FBXW7: variants seen among roughly 807,000 people sequenced by gnomAD.
FBXW7 encodes the protein F-box and WD repeat domain containing 7.
In FBXW7, 11 loss-of-function variants were observed where a neutral mutation model predicts 86.3. That is an observed-to-expected ratio of 0.13 (90% CI 0.08 to 0.21). The LOEUF (loss-of-function observed/expected upper bound fraction) is 0.21. FBXW7 is among the 10% of genes least tolerant of loss of function. The probability of loss-of-function intolerance (pLI) is 1.00; values close to 1 mark genes in which losing one functional copy is unlikely to be tolerated. For synonymous variants in FBXW7, 313 were observed against 297.9 expected (o/e 1.05, Z -0.52); for missense variants, 488 against 847.4 (o/e 0.58, Z 5.27).
Position 152,324,089 on chromosome 4 carries a change from T to C in FBXW7, c.1855+95A>G, listed in dbSNP as rs1728792422. 3 of 919,154 alleles carry C rather than the reference T, an allele frequency of 3.3e-6. No individual in the cohort carries two copies. The African/African-American group carries it at 4.9e-5, about 15-fold the overall frequency. The allele number at this position is 919,154 out of a possible 1,614,324, so 56.9% of individuals were successfully genotyped here. On this transcript the variant is annotated intron_variant, in intron 13 of 13. Coordinates refer to ENST00000281708, the MANE Select transcript of FBXW7 (RefSeq NM_001349798.2). The stretch of plus-strand genomic sequence containing the variant: ...ACTTTTCTGAAGTAACCATTCTGTA[T>C]GAGGTTGACTCTTTTTGTGATGCTA...
intron 2 of FBXW7, among the ~76,000 whole-genome samples, chr4:152,471,475 A>C: frequency 9.5e-6 from 1 of 105,262 alleles, no homozygotes; most frequent in Admixed American, 1.2e-4. Flanking sequence ...GAAGGAGGGA[A>C]GCAGGGAGGG....
intron 2 of FBXW7, among the ~76,000 whole-genome samples, chr4:152,462,918 T>C (rs1474356105): frequency 8.2e-6 from 1 of 122,536 alleles, no homozygotes; most frequent in Non-Finnish European, 1.7e-5. Flanking sequence ...ACTTCCAGTC[T>C]TTTTTTTTTT....
At chr4:152,503,927 A>G (rs950710525) in intron 2 of FBXW7, among the ~76,000 whole-genome samples, 3 of 152,196 alleles carry the variant, frequency 2.0e-5, no homozygotes, top group African/African-American at 4.8e-5. Flanking sequence ...TATGAATCCT[A>G]GCCAGTTCAT....
chr4:152,448,561 G>C (rs78525407), intron 2 of FBXW7, among the ~76,000 whole-genome samples: 2,089 of 152,268 alleles, frequency 0.014, 26 homozygotes, highest in Middle Eastern at 0.037. Context: ...CTTCATTAAA[G>C]AAGAAATAAT....
At chr4:152,408,316 G>A (rs1013259820) in intron 4 of FBXW7, among the ~76,000 whole-genome samples, 2 of 152,120 alleles carry the variant, frequency 1.3e-5, no homozygotes, top group African/African-American at 4.8e-5. Context: ...TCTTCAATAT[G>A]AGCTGGGCAT....
chr4:152,403,582 G>A (rs538743146), intron 4 of FBXW7, among the ~76,000 whole-genome samples: 3 of 152,096 alleles, frequency 2.0e-5, no homozygotes. Context: ...CAGGGGAAGT[G>A]GGGGGATGGT....
chr4:152,336,742 A>G (rs947464706), intron 7 of FBXW7, among the ~76,000 whole-genome samples: 3 of 152,058 alleles, frequency 2.0e-5, no homozygotes, highest in Admixed American at 1.3e-4. Context: ...TAGGAAGAAA[A>G]GATTTTCTCC....
At chr4:152,456,147 GC>G (rs1742385949) in intron 2 of FBXW7, among the ~76,000 whole-genome samples, 2 of 152,100 alleles carry the variant, frequency 1.3e-5, no homozygotes, top group African/African-American at 4.8e-5. Context: ...AAAAAAATCT[GC>G]AAGTAATTAT....
intron 2 of FBXW7, among the ~76,000 whole-genome samples, chr4:152,433,592 G>C (rs571134778): frequency 6.6e-6 from 1 of 152,130 alleles, no homozygotes; most frequent in Non-Finnish European, 1.5e-5. Context: ...TGACTCCTGT[G>C]ATTGTTTGCC....
intron 2 of FBXW7, among the ~76,000 whole-genome samples, chr4:152,471,449 G>C (rs1016699522): frequency 8.4e-6 from 1 of 119,268 alleles, no homozygotes; most frequent in African/African-American, 3.2e-5. Context: ...AGGAAAGAGA[G>C]AAGGAAGGAG....
intron 2 of FBXW7, among the ~76,000 whole-genome samples, chr4:152,435,197 AAAGT>A (rs995778308): frequency 6.6e-6 from 1 of 152,164 alleles, no homozygotes; most frequent in Non-Finnish European, 1.5e-5. Flanking sequence ...TATAAATGTT[AAAGT>A]AAGGAAAATG....
chr4:152,497,127 A>C (rs1444516087), intron 2 of FBXW7, among the ~76,000 whole-genome samples: 1 of 152,108 alleles, frequency 6.6e-6, no homozygotes, highest in East Asian at 1.9e-4. Context: ...GTTGGAGACC[A>C]GCCTGGACAA....
At chr4:152,331,306 A>T (rs1370789372) in intron 8 of FBXW7, among the ~76,000 whole-genome samples, 1 of 152,070 alleles carries the variant, frequency 6.6e-6, no homozygotes, top group Non-Finnish European at 1.5e-5. Flanking sequence ...GATTATTCAC[A>T]GTAACTAAAA....
chr4:152,365,675 G>A (rs1203717246), intron 4 of FBXW7, among the ~76,000 whole-genome samples: 1 of 152,126 alleles, frequency 6.6e-6, no homozygotes, highest in African/African-American at 2.4e-5. Flanking sequence ...GGGGGCCAGG[G>A]GTGAGGAGGA....
intron 4 of FBXW7, among the ~76,000 whole-genome samples, chr4:152,360,501 C>G (rs368887969): frequency 1.3e-5 from 2 of 152,216 alleles, no homozygotes; most frequent in South Asian, 4.1e-4. Context: ...ACTGAAAGAA[C>G]CTGTCCTATT....
At chr4:152,516,346 G>A (rs528519695) in intron 2 of FBXW7, among the ~76,000 whole-genome samples, 65 of 152,288 alleles carry the variant, frequency 4.3e-4, no homozygotes, top group Admixed American at 3.3e-3. Context: ...AGTCTCATAG[G>A]AGCACAAACA....
intron 4 of FBXW7, among the ~76,000 whole-genome samples, chr4:152,382,903 T>C (rs79623251): frequency 0.014 from 2,080 of 152,236 alleles, 26 homozygotes; most frequent in Middle Eastern, 0.037. Context: ...CACACACATA[T>C]GTATGTTTGT....
intron 2 of FBXW7, among the ~76,000 whole-genome samples, chr4:152,486,671 G>C (rs1156414040): frequency 6.6e-6 from 1 of 151,574 alleles, no homozygotes; most frequent in Non-Finnish European, 1.5e-5. Flanking sequence ...CGTCCTGAAG[G>C]AACTGCCTGA....
intron 2 of FBXW7, among the ~76,000 whole-genome samples, chr4:152,420,058 T>A (rs1009969945): frequency 1.3e-5 from 2 of 152,206 alleles, no homozygotes; most frequent in African/African-American, 2.4e-5. Context: ...TTTACCTAAC[T>A]GTAGATCTTC....
Sources: gnomAD v4.1 joint callset for allele counts (sites outside exome capture counted in the v4.1 genomes callset) on GRCh38, gnomAD v4.1.1 for gene constraint, MANE v1.5 for transcripts, NCBI Gene and HGNC (gene_info 2026-07-23, HGNC 2026-07-21) for gene names.